CUX2: variants seen among roughly 807,000 people sequenced by gnomAD.
CUX2 encodes homeobox protein cut-like 2.
A neutral mutation model predicts 144.8 loss-of-function variants in CUX2; 40 were observed. The ratio of observed to expected loss-of-function variants is 0.28; its 90% CI spans 0.21 to 0.36. The LOEUF (loss-of-function observed/expected upper bound fraction) is 0.36. Among genes scored for constraint, CUX2 ranks in the 10% least tolerant of loss-of-function variants. CUX2 has a pLI of 1.00. For synonymous variants in CUX2, 827 were observed against 875.6 expected, an observed-to-expected ratio of 0.94 and a Z score of 0.98; for missense variants, 1,615 against 1,994.0, an observed-to-expected ratio of 0.81 and a Z score of 3.62.
chr12:111,283,872 T>C (rs1204084835), intron 4 of CUX2, among the ~76,000 whole-genome samples: 4 of 152,146 alleles, frequency 2.6e-5, no homozygotes, highest in African/African-American at 4.8e-5. Flanking sequence ...GCCCAGCCTG[T>C]GGTATGTTTT....
At position 111,348,459 on chromosome 12, in the gene CUX2, G is replaced by GT; in HGVS notation, c.*140dup. On this transcript the variant is annotated 3_prime_UTR_variant, in exon 22 of 22. Transcript: ENST00000261726. Reference sequence around the variant, plus strand: ...TGGACAGCAATGTTATGCCGTTTACGTTTTTTGTTGTAATCCTAGTTCTAT... The same window carrying GT: ...TGGACAGCAATGTTATGCCGTTTACGTTTTTTTGTTGTAATCCTAGTTCTAT... The GT allele has an allele frequency of 8.1e-6, 7 of 863,474 alleles. No homozygotes were observed. The highest frequency in any genetic ancestry group is 1.8e-5 in the South Asian group (1 of 57,122). The allele number at this position is 863,474 out of a possible 1,614,324, so 53.5% of individuals were successfully genotyped here.
In CUX2 at chr12:111,190,650, C is replaced by T. The variant is rs1879819092; in HGVS notation, c.64-23550C>T. Reference sequence around the variant, plus strand: ...AGCTGATCAATAGACCCTTTGTGGCCTAACAGAGACACACCTGAAGGTGGT... The same window carrying T: ...AGCTGATCAATAGACCCTTTGTGGCTTAACAGAGACACACCTGAAGGTGGT... On this transcript the variant is annotated intron_variant, in intron 1 of 21. Transcript: ENST00000261726. The surrounding 1 kb of genome is among the most constrained non-coding windows in gnomAD (Gnocchi z 4.0). Among the ~76,000 whole-genome samples, 1 of 152,186 alleles carries T rather than the reference C, an allele frequency of 6.6e-6. No individual in the cohort carries two copies. Among genetic ancestry groups the T allele is most frequent in the Non-Finnish European group, 1.5e-5 (1 of 68,026 alleles).
chr12:111,311,152 C>T (rs1375548403), intron 15 of CUX2, among the ~76,000 whole-genome samples: 1 of 152,226 alleles, frequency 6.6e-6, no homozygotes, highest in Non-Finnish European at 1.5e-5. Context: ...TTCACCTGTG[C>T]CCCGGTTTCT....
chr12:111,171,219 G>C lies in CUX2; in HGVS notation c.64-42981G>C, dbSNP rs895091911. ...GATGGACGGGGTGCAGAGTATGGAA[G>C]GAAAGCCTCGAGTTTGACCTTCACA... On this transcript the variant is annotated intron_variant, in intron 1 of 21. Transcript: ENST00000261726. This position sits in a 1 kb window ranked among gnomAD's most constrained non-coding sequence, Gnocchi z 5.0. Among the ~76,000 whole-genome samples, 2 of 152,146 alleles carry C rather than the reference G, an allele frequency of 1.3e-5. No homozygotes were observed. The highest frequency in any genetic ancestry group is 2.9e-5 in the Non-Finnish European group (2 of 68,018).
intron 1 of CUX2, among the ~76,000 whole-genome samples, chr12:111,152,330 A>G (rs941480942): frequency 2.0e-5 from 3 of 151,256 alleles, no homozygotes; most frequent in African/African-American, 7.4e-5. Context: ...GAAAGGCTCA[A>G]AACCTCACAG....
intron 4 of CUX2, among the ~76,000 whole-genome samples, chr12:111,290,851 A>C (rs1341705228): frequency 6.7e-6 from 1 of 148,652 alleles, no homozygotes; most frequent in African/African-American, 2.5e-5. Flanking sequence ...GGCGTTAGCC[A>C]CTGCACTCAG....
intron 1 of CUX2, among the ~76,000 whole-genome samples, chr12:111,136,534 T>C (rs1592929691): frequency 6.6e-6 from 1 of 151,862 alleles, no homozygotes; most frequent in Non-Finnish European, 1.5e-5. Context: ...GGCCAGGAGG[T>C]TTTGTGTCAA....
intron 1 of CUX2, among the ~76,000 whole-genome samples, chr12:111,174,341 G>T (rs1362219857): frequency 6.6e-6 from 1 of 152,278 alleles, no homozygotes; most frequent in East Asian, 1.9e-4. Flanking sequence ...ATGAGTCCAC[G>T]CTCCTGCTTT....
At chr12:111,326,729 T>C (rs4512914) in intron 18 of CUX2, among the ~76,000 whole-genome samples, 61,998 of 151,742 alleles carry the variant, frequency 0.41, 16,386 homozygotes, top group East Asian at 0.91. Flanking sequence ...CATGGAGAAA[T>C]CCCGTCTCTC....
chr12:111,217,873 G>A lies in CUX2; in HGVS notation c.175-17G>A, dbSNP rs1460991065. The A allele has an allele frequency of 1.2e-6, 2 of 1,614,118 alleles. No individual in the cohort carries two copies. The highest frequency in any genetic ancestry group is 2.2e-5 in the East Asian group (1 of 44,876). On this transcript the variant is annotated splice_polypyrimidine_tract_variant and intron_variant, in intron 2 of 21. Transcript: ENST00000261726. Reference sequence around the variant, plus strand: ...CACCTGGCACTGTAGTGAACTCTTTGCTGATCTCTTTTTCAGGAAATCAGA... The same window carrying A: ...CACCTGGCACTGTAGTGAACTCTTTACTGATCTCTTTTTCAGGAAATCAGA...
At chr12:111,176,357 T>C (rs1462037406) in intron 1 of CUX2, among the ~76,000 whole-genome samples, 1 of 152,110 alleles carries the variant, frequency 6.6e-6, no homozygotes, top group Non-Finnish European at 1.5e-5. Flanking sequence ...GTGAGGAATA[T>C]CTTCCTAATG....
Position 111,348,493 on chromosome 12 carries a change from G to T in CUX2, c.*168G>T. 1.4e-6 allele frequency: 1 copy of T among 690,972 alleles called. No homozygotes were observed. The highest frequency in any genetic ancestry group is 2.4e-6 in the Non-Finnish European group (1 of 422,588). 42.8% of individuals were successfully genotyped at this position (690,972 alleles called of 1,614,324 possible). On this transcript the variant is annotated 3_prime_UTR_variant, in exon 22 of 22. Transcript: ENST00000261726. Reference sequence around the variant, plus strand: ...TGTAATCCTAGTTCTATGAAGCTGTGTGAGCAGGTGGGTCAAATGCCATTG... The same window carrying T: ...TGTAATCCTAGTTCTATGAAGCTGTTTGAGCAGGTGGGTCAAATGCCATTG...
At chr12:111,225,232 G>A (rs553571686) in intron 3 of CUX2, among the ~76,000 whole-genome samples, 2 of 152,346 alleles carry the variant, frequency 1.3e-5, no homozygotes, top group South Asian at 4.1e-4. Context: ...CATGGTGAGT[G>A]TTCAGTGAGC....
intron 18 of CUX2, among the ~76,000 whole-genome samples, chr12:111,330,690 T>TACATATATATATATATATACATATAC (rs1177996902): frequency 0.013 from 125 of 9,966 alleles, 15 homozygotes; most frequent in South Asian, 0.037. Context: ...CATATACATA[T>TACATATATATATATATATACATATAC]ATATATATAT....
In CUX2 at chr12:111,284,329, C is replaced by G. The variant is rs55714342; in HGVS notation, c.302-7089C>G. On this transcript the variant is annotated intron_variant, in intron 4 of 21. Transcript: ENST00000261726. ...TCACACAGCAGGCCAGCAGCAGGAC[C>G]GAGGGCAGCCATACGACTTGTGCTC... Among the ~76,000 whole-genome samples, 586 of 152,228 alleles carry G rather than the reference C, an allele frequency of 3.8e-3. 5 individuals are homozygous for G. The highest frequency in any genetic ancestry group is 0.033 in the South Asian group (157 of 4,818).
intron 1 of CUX2, among the ~76,000 whole-genome samples, chr12:111,050,552 C>T (rs1028972079): frequency 6.6e-6 from 1 of 152,204 alleles, no homozygotes; most frequent in African/African-American, 2.4e-5. Context: ...ATGGCTCCAT[C>T]CGGGTCTACA....
chr12:111,331,881 ACCAGC>A (rs1301385882), intron 18 of CUX2, among the ~76,000 whole-genome samples: 1 of 152,010 alleles, frequency 6.6e-6, no homozygotes, highest in Non-Finnish European at 1.5e-5. Flanking sequence ...GGAATTCAAG[ACCAGC>A]CTGGCCAATA....
At chr12:111,291,273 G>A (rs75092580) in intron 4 of CUX2, 145 bp from the exon 5 acceptor site, 55 of 988,352 alleles carry the variant, frequency 5.6e-5, no homozygotes, top group Admixed American at 2.1e-4. Context: ...CTGCTCCCTC[G>A]TAGAGCAGAA....
Position 111,263,593 on chromosome 12 carries a change from C to G in CUX2, c.223-168C>G, listed in dbSNP as rs146173871. On this transcript the variant is annotated intron_variant, in intron 3 of 21. Coordinates refer to ENST00000261726, the MANE Select transcript of CUX2 (RefSeq NM_015267.4). This position sits in a 1 kb window ranked among gnomAD's most constrained non-coding sequence, Gnocchi z 4.0. Reference sequence around the variant, plus strand: ...TGAGCTGAGATCATTCTATGGCACTCCAGCCTGGGCGACAGAGCAAGACTC... The same window carrying G: ...TGAGCTGAGATCATTCTATGGCACTGCAGCCTGGGCGACAGAGCAAGACTC... Among the ~76,000 whole-genome samples the G allele has an allele frequency of 4.6e-5, 7 of 152,094 alleles. No homozygotes were observed. The East Asian group carries it at 1.4e-3, about 29-fold the overall frequency.
Sources: allele counts gnomAD v4.1 joint callset (sites outside exome capture counted in the v4.1 genomes callset), GRCh38; gene constraint gnomAD v4.1.1; non-coding constraint Gnocchi (gnomAD v3.1); transcripts MANE v1.5; gene names NCBI Gene and HGNC (gene_info 2026-07-23, HGNC 2026-07-21).